The following ABCA12 variants were observed in gnomAD, a reference collection of about 807,000 sequenced individuals.
ABCA12 encodes ATP binding cassette subfamily A member 12.
A neutral mutation model predicts 293.5 loss-of-function variants in ABCA12; 156 were observed. That is an observed-to-expected ratio of 0.53 (90% CI 0.47 to 0.61). The LOEUF (loss-of-function observed/expected upper bound fraction) is 0.61, where lower values mean the gene tolerates loss of function less well. ABCA12 is among the 20% of genes least tolerant of loss of function. ABCA12 has a pLI of 0.00. For synonymous variants in ABCA12, 1,063 were observed against 1,108.0 expected (o/e 0.96, Z 0.81); for missense variants, 2,797 against 3,090.2 (o/e 0.91, Z 2.25).
rs79681601 is a variant in ABCA12 at position 215,090,797 on chromosome 2, T to C, written c.163+20800A>G. ...TGTCTCTACCCTCTTTTATCTAGAT[T>C]TACCTTTTTACTACGGGCAATCTTC... On this transcript the variant is annotated intron_variant, in intron 2 of 52. Transcript: ENST00000272895. 7.6e-3 allele frequency among the ~76,000 whole-genome samples: 1,164 copies of C among 152,186 alleles called. 8 individuals carry two copies. Among genetic ancestry groups the C allele is most frequent in the African/African-American group, 0.026 (1,088 of 41,500 alleles).
chr2:215,110,940 C>T (rs1416460286), intron 2 of ABCA12, among the ~76,000 whole-genome samples: 4 of 152,178 alleles, frequency 2.6e-5, no homozygotes, highest in Admixed American at 2.6e-4. Flanking sequence ...AAAATGAAAA[C>T]AGCATTCATC....
intron 1 of ABCA12, among the ~76,000 whole-genome samples, chr2:215,131,691 T>A (rs1168846547): frequency 7.8e-6 from 1 of 128,878 alleles, no homozygotes; most frequent in African/African-American, 3.1e-5. Context: ...CATTCATTGA[T>A]CCTTTCTATT....
intron 44 of ABCA12, 123 bp downstream of exon 44, chr2:214,953,731 A>C (rs923969736): frequency 1.5e-6 from 2 of 1,300,126 alleles, no homozygotes; most frequent in African/African-American, 3.0e-5. Context: ...GAATTTTTTA[A>C]AAGTTTTTGA....
At chr2:215,013,025 A>G (rs912718103) in intron 15 of ABCA12, 34 of 152,126 alleles carry the variant, frequency 2.2e-4, no homozygotes, top group African/African-American at 8.0e-4. Context: ...TTTTAATGTA[A>G]TTTTTTTATC....
chr2:214,972,343 T>C (rs1009420612), intron 36 of ABCA12, among the ~76,000 whole-genome samples: 3 of 152,214 alleles, frequency 2.0e-5, no homozygotes, highest in African/African-American at 7.2e-5. Context: ...GAAATAGATT[T>C]AGGGATGTTA....
At chr2:215,130,195 T>A (rs538897313) in intron 1 of ABCA12, among the ~76,000 whole-genome samples, 1 of 152,234 alleles carries the variant, frequency 6.6e-6, no homozygotes, top group African/African-American at 2.4e-5. Context: ...AGGAGTACTT[T>A]GGCTATTCGG....
chr2:214,958,938 A>T, intron 40 of ABCA12, 86 bp downstream of exon 40: 1 of 1,305,176 alleles, frequency 7.7e-7, no homozygotes, highest in Non-Finnish European at 1.1e-6. Flanking sequence ...TCATTCAGAT[A>T]CAACTGTGAT....
chr2:215,003,887 C>T (rs201646454), intron 20 of ABCA12, among the ~76,000 whole-genome samples: 1 of 152,042 alleles, frequency 6.6e-6, no homozygotes, highest in East Asian at 1.9e-4. Context: ...AGGCTGGTCT[C>T]GAACTCCTGA....
chr2:215,134,314 G>A (rs1387293842), intron 1 of ABCA12, among the ~76,000 whole-genome samples: 1 of 144,814 alleles, frequency 6.9e-6, no homozygotes, highest in Non-Finnish European at 1.5e-5. Context: ...ACGTATATGT[G>A]TATATATGTA....
chr2:214,934,161 C>A lies in ABCA12; in HGVS notation c.7597G>T (p.Ala2533Ser). 1 of 1,613,646 alleles carries A rather than the reference C, an allele frequency of 6.2e-7. No individual in the cohort carries two copies. The highest frequency in any genetic ancestry group is 8.5e-7 in the Non-Finnish European group (1 of 1,179,768). Residue 2533 changes from alanine to serine, a missense_variant, in exon 52 of 53, where the codon GCA becomes TCA. Ala to Ser is a moderately conservative substitution (Grantham distance 99). Coordinates refer to ENST00000272895, the MANE Select transcript of ABCA12 (RefSeq NM_173076.3). The stretch of plus-strand genomic sequence containing the variant: ...GTTTCCAGCAGATCAAAAATGTTTG[C>A]GACTCCTCCTGCTGTGACTGGTACA... Reference protein sequence around the residue: ...YHVPVTAGGVANIFDLLETNK... With the variant: ...YHVPVTAGGVSNIFDLLETNK...
At chr2:215,054,253 C>T (rs529045469) in intron 4 of ABCA12, among the ~76,000 whole-genome samples, 1 of 152,180 alleles carries the variant, frequency 6.6e-6, no homozygotes, top group South Asian at 2.1e-4. Flanking sequence ...TATTAATGGG[C>T]TTTCTAACCC....
intron 39 of ABCA12, chr2:214,960,373 A>G (rs9653345): frequency 6.6e-6 from 1 of 151,988 alleles, no homozygotes; most frequent in African/African-American, 2.4e-5. Flanking sequence ...CTTTTCTTTT[A>G]TTTCTGCTTT....
intron 1 of ABCA12, among the ~76,000 whole-genome samples, chr2:215,134,951 T>A (rs1352515420): frequency 1.3e-5 from 2 of 149,608 alleles, no homozygotes; most frequent in Non-Finnish European, 1.5e-5. Context: ...CAGCATATAC[T>A]TTAAAAAAAA....
chr2:214,958,251 T>C (rs1288853798), intron 41 of ABCA12, 26 bp downstream of exon 41: 3 of 1,613,556 alleles, frequency 1.9e-6, no homozygotes, highest in Non-Finnish European at 2.5e-6. Context: ...TTTTATTCCC[T>C]GCAATGAAGG....
rs1700146189 is a variant in ABCA12, at chr2:215,001,581, T to C, written c.2840A>G (p.Tyr947Cys). 5 of 1,613,784 alleles carry C rather than the reference T, an allele frequency of 3.1e-6. No individual in the cohort carries two copies. In the East Asian group the frequency reaches 1.1e-4, roughly 36 times the overall value. Residue 947 changes from tyrosine to cysteine, a missense_variant, in exon 21 of 53, where the codon TAC becomes TGC. By Grantham distance (194) the Tyr-to-Cys change is radical (BLOSUM62 -2). Coordinates refer to ENST00000272895, the MANE Select transcript of ABCA12 (RefSeq NM_173076.3). ...DEMEREAKRLYKSNELFGSVI... is the reference protein window; with the variant it reads ...DEMEREAKRLCKSNELFGSVI... ...ACTTCCAAAGAGTTCGTTGCTTTTG[T>C]AGAGCCTTTTAGCCTCTCTCTCCAT...
At chr2:215,091,946 C>A (rs1702156542) in intron 2 of ABCA12, among the ~76,000 whole-genome samples, 1 of 152,198 alleles carries the variant, frequency 6.6e-6, no homozygotes, top group Non-Finnish European at 1.5e-5. Context: ...CTGTGAGGGA[C>A]CCCACTGGAA....
intron 9 of ABCA12, among the ~76,000 whole-genome samples, chr2:215,027,202 C>A (rs185588684): frequency 5.0e-4 from 76 of 152,056 alleles, no homozygotes; most frequent in Admixed American, 2.9e-3. Flanking sequence ...AAAAATTAGC[C>A]GGGCGTGGTG....
At chr2:215,062,847 T>G (rs897492591) in intron 3 of ABCA12, among the ~76,000 whole-genome samples, 3 of 152,084 alleles carry the variant, frequency 2.0e-5, no homozygotes, top group Non-Finnish European at 4.4e-5. Context: ...ATTTTCTCAC[T>G]AGCACACTCA....
At position 215,029,146 on chromosome 2, in the gene ABCA12, A is replaced by C. The variant is rs1160631628; in HGVS notation, c.1062-2208T>G. 4 of 149,162 alleles carry C rather than the reference A, an allele frequency of 2.7e-5. No homozygotes were observed. The Admixed American group carries it at 2.7e-4, about 10-fold the overall frequency. The allele number at this position is 149,162 out of a possible 1,614,324, so 9.2% of individuals were successfully genotyped here. A position where few individuals can be genotyped will look rare whatever the true frequency, so the allele number is the denominator to read the frequency against. ...ACATTTCTCCTCTGAGCAACTTGAA[A>C]GAATGATCCATTTAGTTTTGTATCC... On this transcript the variant is annotated intron_variant, in intron 9 of 52. Transcript: ENST00000272895.
Sources: allele counts gnomAD v4.1 joint callset (sites outside exome capture counted in the v4.1 genomes callset), GRCh38; gene constraint gnomAD v4.1.1; transcripts MANE v1.5; gene names NCBI Gene and HGNC (gene_info 2026-07-23, HGNC 2026-07-21).